ANXA6: variants seen among roughly 807,000 people sequenced by gnomAD.
The protein encoded by ANXA6 is 67 kDa calelectrin.
Under a neutral mutation model 95.4 loss-of-function variants are expected in ANXA6, and 71 were observed. That is an observed-to-expected ratio of 0.74 (90% CI 0.61 to 0.91). ANXA6 has a LOEUF of 0.91. ANXA6 is among the 40% of genes least tolerant of loss of function. ANXA6 has a pLI of 0.00. For missense variants in ANXA6, 830 were observed against 876.4 expected (o/e 0.95, Z 0.67); for synonymous variants, 289 against 315.9 (o/e 0.91, Z 0.90).
intron 17 of ANXA6, among the ~76,000 whole-genome samples, chr5:151,121,580 C>A (rs933417182): frequency 2.6e-5 from 4 of 152,120 alleles, no homozygotes; most frequent in Non-Finnish European, 4.4e-5. Context: ...TTTCCATTTC[C>A]CAGATGAAGG....
chr5:151,149,301 A>G (rs1213919515), intron 1 of ANXA6, among the ~76,000 whole-genome samples: 1 of 152,150 alleles, frequency 6.6e-6, no homozygotes, highest in Non-Finnish European at 1.5e-5. Context: ...GTGAAGGAAC[A>G]AAGATATGAT....
chr5:151,131,158 G>A (rs958882678), intron 11 of ANXA6, 73 bp downstream of exon 11: 5 of 1,525,102 alleles, frequency 3.3e-6, no homozygotes, highest in Non-Finnish European at 4.5e-6. Flanking sequence ...TTGGCCACTG[G>A]ATCCCAAGGA....
chr5:151,154,096 A>G (rs1766174448), intron 1 of ANXA6, among the ~76,000 whole-genome samples: 1 of 152,034 alleles, frequency 6.6e-6, no homozygotes, highest in South Asian at 2.1e-4. Flanking sequence ...GAGATAAACT[A>G]GAGAGGTTAA....
intron 2 of ANXA6, among the ~76,000 whole-genome samples, chr5:151,145,074 C>T (rs866952372): frequency 3.3e-5 from 5 of 152,334 alleles, no homozygotes; most frequent in Middle Eastern, 3.4e-3. Flanking sequence ...TTCCCGGCTG[C>T]GGGAACCCAG....
intron 18 of ANXA6, among the ~76,000 whole-genome samples, chr5:151,119,039 C>A (rs527338417): frequency 6.6e-6 from 1 of 152,326 alleles, no homozygotes; most frequent in South Asian, 2.1e-4. Context: ...CCTAGAGTCG[C>A]CCTCCCTCTC....
chr5:151,141,121 C>T (rs542143670), intron 2 of ANXA6, among the ~76,000 whole-genome samples: 1 of 152,226 alleles, frequency 6.6e-6, no homozygotes, highest in Non-Finnish European at 1.5e-5. Context: ...TCTTAGACAT[C>T]GAACCTGAAC....
chr5:151,111,531 C>A (rs1325404675), intron 20 of ANXA6, among the ~76,000 whole-genome samples: 1 of 152,196 alleles, frequency 6.6e-6, no homozygotes, highest in Admixed American at 6.5e-5. Context: ...TAGGAATTTG[C>A]CCTACAGGTA....
chr5:151,125,906 G>A (rs962756243), intron 14 of ANXA6, among the ~76,000 whole-genome samples: 3 of 152,122 alleles, frequency 2.0e-5, no homozygotes, highest in African/African-American at 7.2e-5. Context: ...AAGTAACAGA[G>A]AGCTCCAAGG....
chr5:151,132,574 G>A lies in ANXA6; in HGVS notation c.641-3C>T. The A allele has an allele frequency of 6.2e-7, 1 of 1,611,500 alleles. No individual in the cohort carries two copies. Among genetic ancestry groups the A allele is most frequent in the Non-Finnish European group, 8.5e-7 (1 of 1,178,970 alleles). ...GGTCTTCAGATACTCATCGAACACT[G>A]CGTCAGACAGAGAGACAGGGAGGTT... On this transcript the variant is annotated splice_region_variant and splice_polypyrimidine_tract_variant and intron_variant, in intron 9 of 25. Transcript: ENST00000354546.
At chr5:151,110,423 A>G (rs1348012941) in intron 21 of ANXA6, among the ~76,000 whole-genome samples, 2 of 152,240 alleles carry the variant, frequency 1.3e-5, no homozygotes, top group African/African-American at 4.8e-5. Flanking sequence ...GTGGTTACAC[A>G]GCACAAATCG....
chr5:151,131,120 T>G, intron 11 of ANXA6, 111 bp downstream of exon 11: 1 of 1,149,524 alleles, frequency 8.7e-7, no homozygotes, highest in Admixed American at 1.8e-5. Context: ...CCAGGGTCAG[T>G]CCTGTGGCCA....
chr5:151,121,454 G>C (rs573360118), intron 17 of ANXA6, among the ~76,000 whole-genome samples: 3 of 151,476 alleles, frequency 2.0e-5, no homozygotes, highest in South Asian at 4.4e-4. Flanking sequence ...AGCAACTTCT[G>C]GGCCAGGACA....
intron 1 of ANXA6, 95 bp from the exon 2 acceptor site, chr5:151,148,021 C>T: frequency 8.0e-7 from 1 of 1,244,974 alleles, no homozygotes; most frequent in Non-Finnish European, 1.1e-6. Context: ...TTTCCAGCTG[C>T]CCCCAGCCCT....
intron 5 of ANXA6, among the ~76,000 whole-genome samples, chr5:151,137,737 T>C (rs1460186641): frequency 6.6e-6 from 1 of 152,198 alleles, no homozygotes; most frequent in Non-Finnish European, 1.5e-5. Flanking sequence ...TGCTCCCTCT[T>C]TGCCTTCTGC....
chr5:151,147,831 T>A, intron 2 of ANXA6, 53 bp downstream of exon 2: 1 of 1,569,650 alleles, frequency 6.4e-7, no homozygotes, highest in Non-Finnish European at 8.6e-7. Context: ...TCCAGGAGGA[T>A]CCCAGGCCCA....
intron 22 of ANXA6, 149 bp downstream of exon 22, chr5:151,109,604 C>T: frequency 1.6e-6 from 1 of 626,028 alleles, no homozygotes; most frequent in Non-Finnish European, 2.9e-6. Flanking sequence ...CCCAGGGCTC[C>T]AGAGTCGCCG....
chr5:151,134,597 C>A, intron 7 of ANXA6, 114 bp from the exon 8 acceptor site: 1 of 1,025,724 alleles, frequency 9.7e-7, no homozygotes, highest in South Asian at 1.3e-5. Context: ...CCAGATGTGT[C>A]CAGAAGCAGT....
chr5:151,142,159 G>A (rs1156884762), intron 2 of ANXA6, among the ~76,000 whole-genome samples: 1 of 152,222 alleles, frequency 6.6e-6, no homozygotes, highest in East Asian at 1.9e-4. Flanking sequence ...AGCACAGCAG[G>A]CAATATTAGC....
intron 21 of ANXA6, among the ~76,000 whole-genome samples, chr5:151,110,257 G>A (rs906591194): frequency 2.6e-5 from 4 of 152,170 alleles, no homozygotes; most frequent in South Asian, 2.1e-4. Context: ...TTCCCCAAGC[G>A]GGGTCAAGGG....
Sources: allele counts gnomAD v4.1 joint callset (sites outside exome capture counted in the v4.1 genomes callset), GRCh38; gene constraint gnomAD v4.1.1; transcripts MANE v1.5; gene names NCBI Gene and HGNC (gene_info 2026-07-23, HGNC 2026-07-21).